Variants in SRD5A1 observed in about 807,000 individuals in gnomAD.
SRD5A1 encodes the protein 3-oxo-5-alpha-steroid 4-dehydrogenase 1.
In SRD5A1, 22 loss-of-function variants were observed where a neutral mutation model predicts 28.2. The observed-to-expected ratio is 0.78, with a 90% CI of 0.56 to 1.12. SRD5A1 has a LOEUF of 1.12. Among genes scored for constraint, SRD5A1 ranks in the 50% most tolerant of loss-of-function variants. The probability of loss-of-function intolerance (pLI) is 0.00; values close to 1 mark genes in which losing one functional copy is unlikely to be tolerated. For synonymous variants in SRD5A1, 151 were observed against 135.0 expected (o/e 1.12, Z -0.82); for missense variants, 300 against 346.7 (o/e 0.87, Z 1.07).
intron 4 of SRD5A1, 48 bp downstream of exon 4, chr5:6,663,014 A>G (rs199950266): frequency 4.4e-6 from 7 of 1,590,018 alleles, no homozygotes; most frequent in East Asian, 2.2e-5. Flanking sequence ...CTTTGACTAT[A>G]TTATTACCAT....
At chr5:6,650,282 G>T (rs1039900190) in intron 1 of SRD5A1, among the ~76,000 whole-genome samples, 4 of 151,832 alleles carry the variant, frequency 2.6e-5, no homozygotes, top group Non-Finnish European at 2.9e-5. Context: ...GTGGTGGTGT[G>T]TGCCTGAGGT....
chr5:6,660,477 C>T (rs1345694492), intron 3 of SRD5A1, among the ~76,000 whole-genome samples: 1 of 152,210 alleles, frequency 6.6e-6, no homozygotes, highest in African/African-American at 2.4e-5. Flanking sequence ...GCCCAGGGCT[C>T]TGATGAAATA....
chr5:6,644,939 T>C, intron 1 of SRD5A1: 1 of 456,016 alleles, frequency 2.2e-6, no homozygotes, highest in South Asian at 1.5e-5. Flanking sequence ...TTGTTCTTAT[T>C]CATTGCTTGG....
At chr5:6,653,306 C>A (rs983912206) in intron 2 of SRD5A1, 3 of 152,180 alleles carry the variant, frequency 2.0e-5, no homozygotes, top group Non-Finnish European at 4.4e-5. Flanking sequence ...TTTCAAGATC[C>A]TTTTCTAGCT....
chr5:6,651,945 A>G lies in SRD5A1; in HGVS notation c.397A>G (p.Arg133Gly). 2 of 1,614,158 alleles carry G rather than the reference A, an allele frequency of 1.2e-6. No homozygotes were observed. Among genetic ancestry groups the G allele is most frequent in the Non-Finnish European group, 1.7e-6 (2 of 1,179,996 alleles). Residue 133 changes from arginine to glycine, a missense_variant, in exon 2 of 5, where the codon AGA (arginine) becomes GGA (glycine). Around this residue, in one of 2 missense-constraint regions of SRD5A1, gnomAD observed 126 missense variants for 185.7 expected, o/e 0.68. Transcript: ENST00000274192. ...FCTCNGYLQS[R>G]YLSHCAVYAD... ...TACCTGTAACGGCTATTTGCAAAGC[A>G]GATACTTGAGCCATTGTGCAGTGTA...
chr5:6,670,793 T>G lies in SRD5A1; in HGVS notation c.*2525T>G, dbSNP rs991694583. On this transcript the variant is annotated 3_prime_UTR_variant, in exon 5 of 5. Transcript: ENST00000274192. ...TATCGGCCATTGCTGTAACCAAAGCTTAACCACCTTTCTTAAGATATTGAT... is the reference window on the plus strand; with the variant it reads ...TATCGGCCATTGCTGTAACCAAAGCGTAACCACCTTTCTTAAGATATTGAT... The G allele has an allele frequency of 6.6e-6, 1 of 152,232 alleles. No homozygotes were observed. Among genetic ancestry groups the G allele is most frequent in the African/African-American group, 2.4e-5 (1 of 41,464 alleles). The allele number at this position is 152,232 out of a possible 1,614,324, so 9.4% of individuals were successfully genotyped here.
At chr5:6,635,487 CTGGATGAGTTACTAAGCTGCCCCG>C (rs1267207440) in intron 1 of SRD5A1, among the ~76,000 whole-genome samples, 7 of 152,190 alleles carry the variant, frequency 4.6e-5, no homozygotes, top group African/African-American at 1.7e-4. Context: ...AGTCATGACC[CTGGATGAGTTACTAAGCTGCCCCG>C]CAGCAAGGTT....
chr5:6,643,283 C>A (rs922981525), intron 1 of SRD5A1, among the ~76,000 whole-genome samples: 2 of 152,092 alleles, frequency 1.3e-5, no homozygotes, highest in Non-Finnish European at 2.9e-5. Context: ...AAAGACTGCT[C>A]ATCATCTGCC....
chr5:6,654,001 T>C (rs1738759874), intron 2 of SRD5A1, among the ~76,000 whole-genome samples: 1 of 152,182 alleles, frequency 6.6e-6, no homozygotes, highest in Non-Finnish European at 1.5e-5. Flanking sequence ...TGAAATTACA[T>C]AAATAAGTAA....
chr5:6,661,023 C>A (rs890047772), intron 3 of SRD5A1, among the ~76,000 whole-genome samples: 1 of 152,242 alleles, frequency 6.6e-6, no homozygotes, highest in African/African-American at 2.4e-5. Context: ...CCACTGGGTC[C>A]CTTCCTTGTC....
rs1014510129 is a variant in SRD5A1 at position 6,658,818 on chromosome 5, A to G, written c.562+2639A>G. On this transcript the variant is annotated intron_variant, in intron 3 of 4. Coordinates refer to ENST00000274192, the MANE Select transcript of SRD5A1 (RefSeq NM_001047.4). ...GAAGATAGAAATGGAAAAGCAAAGA[A>G]TATGAAACCTAGACTGGGTGCAGTG... Among the ~76,000 whole-genome samples the G allele has an allele frequency of 4.0e-4, 61 of 152,238 alleles. 1 individual carries two copies. Among genetic ancestry groups the G allele is most frequent in the Middle Eastern group, 3.4e-3 (1 of 294 alleles).
intron 1 of SRD5A1, among the ~76,000 whole-genome samples, chr5:6,642,937 G>C (rs1047489705): frequency 2.0e-5 from 3 of 152,126 alleles, no homozygotes; most frequent in African/African-American, 7.2e-5. Context: ...GACACTATGG[G>C]CTTAATCACA....
intron 3 of SRD5A1, among the ~76,000 whole-genome samples, chr5:6,657,136 T>G (rs1007397659): frequency 2.6e-5 from 4 of 152,246 alleles, no homozygotes; most frequent in Admixed American, 2.6e-4. Context: ...CTTCCACTTA[T>G]GTTCCTAGAA....
chr5:6,640,576 G>A (rs950991469), intron 1 of SRD5A1, among the ~76,000 whole-genome samples: 2 of 150,832 alleles, frequency 1.3e-5, no homozygotes, highest in African/African-American at 4.9e-5. Context: ...GTGTTGCCTG[G>A]GCTGGTCTCG....
rs1205263623 is a variant in SRD5A1 at position 6,672,075 on chromosome 5, C to G, written c.*3807C>G. On this transcript the variant is annotated 3_prime_UTR_variant, in exon 5 of 5. Transcript: ENST00000274192. ...ACTATGCTGAACAATCCACTGACCA[C>G]TGCAGGCTCCCATTTATGATCTTGG... 6.6e-6 allele frequency: 1 copy of G among 152,308 alleles called. No individual in the cohort carries two copies. Among genetic ancestry groups the G allele is most frequent in the African/African-American group, 2.4e-5 (1 of 41,460 alleles). 9.4% of individuals were successfully genotyped at this position (152,308 alleles called of 1,614,324 possible). A position where few individuals can be genotyped will look rare whatever the true frequency, so the allele number is the denominator to read the frequency against.
Position 6,633,495 on chromosome 5 carries a change from G to A in SRD5A1, c.-82G>A, listed in dbSNP as rs1738042388. The A allele has an allele frequency of 2.2e-6, 3 of 1,360,194 alleles. No homozygotes were observed. The Admixed American group carries it at 1.1e-4, about 50-fold the overall frequency. The allele number at this position is 1,360,194 out of a possible 1,614,324, so 84.3% of individuals were successfully genotyped here. A position where few individuals can be genotyped will look rare whatever the true frequency, so the allele number is the denominator to read the frequency against. On this transcript the variant is annotated 5_prime_UTR_variant, in exon 1 of 5. Transcript: ENST00000274192. ...TCCGGTAGCCGCCCCTCCGGTAGCC[G>A]CCCCTCCTGCCCCCGCGCCGCCGCC...
intron 1 of SRD5A1, among the ~76,000 whole-genome samples, chr5:6,640,771 ATC>A (rs1385503054): frequency 3.3e-5 from 5 of 152,216 alleles, no homozygotes; most frequent in African/African-American, 4.8e-5. Context: ...AGCAAACAGA[ATC>A]TCTGTGTAGC....
At chr5:6,657,796 A>G (rs1337678875) in intron 3 of SRD5A1, among the ~76,000 whole-genome samples, 1 of 152,168 alleles carries the variant, frequency 6.6e-6, no homozygotes, top group Non-Finnish European at 1.5e-5. Context: ...ACTGTTCCAC[A>G]GTAGTTGAGA....
In SRD5A1 at chr5:6,666,303, A is replaced by G. The variant is rs543410350; in HGVS notation, c.714-1899A>G. On this transcript the variant is annotated intron_variant, in intron 4 of 4. Transcript: ENST00000274192. Reference sequence around the variant, plus strand: ...GCTGGGACTACAGGTGCCCGCCACCATGCCCGGCTAATTTTTTTGTATTTT... The same window carrying G: ...GCTGGGACTACAGGTGCCCGCCACCGTGCCCGGCTAATTTTTTTGTATTTT... Among the ~76,000 whole-genome samples, 9 of 152,184 alleles carry G rather than the reference A, an allele frequency of 5.9e-5. No individual in the cohort carries two copies. The South Asian group carries it at 1.9e-3, about 32-fold the overall frequency.
Sources: allele counts gnomAD v4.1 joint callset (sites outside exome capture counted in the v4.1 genomes callset), GRCh38; gene constraint gnomAD v4.1.1; regional missense constraint gnomAD v4.1.1; transcripts MANE v1.5; gene names NCBI Gene and HGNC (gene_info 2026-07-23, HGNC 2026-07-21).